The following NREP variants were observed in gnomAD, a reference collection of about 807,000 sequenced individuals.
NREP encodes neuronal regeneration-related protein.
Under a neutral mutation model 8.6 loss-of-function variants are expected in NREP, and 5 were observed. The ratio of observed to expected loss-of-function variants is 0.58; its 90% CI spans 0.30 to 1.22. The LOEUF is 1.22. NREP is among the 50% of genes most tolerant of loss of function. The probability of loss-of-function intolerance (pLI) is 0.07; values close to 1 mark genes in which losing one functional copy is unlikely to be tolerated. For missense variants in NREP, 86 were observed against 82.5 expected (o/e 1.04, Z -0.17); for synonymous variants, 27 against 28.0 (o/e 0.96, Z 0.11).
chr5:111,905,660 T>C (rs1754763842), intron 2 of NREP, among the ~76,000 whole-genome samples: 1 of 152,120 alleles, frequency 6.6e-6, no homozygotes, highest in Non-Finnish European at 1.5e-5. Context: ...ACTTTATGAT[T>C]CAATGTTTTA....
chr5:111,774,973 AT>A (rs1282958994), intron 2 of NREP, among the ~76,000 whole-genome samples: 1 of 152,206 alleles, frequency 6.6e-6, no homozygotes, highest in Non-Finnish European at 1.5e-5. Context: ...AAAGATTCTA[AT>A]GGGGGAAAAA....
rs568428848 is a variant in NREP, at chr5:111,841,906, T to C, written c.136-106399A>G. Among the ~76,000 whole-genome samples the C allele has an allele frequency of 5.3e-5, 8 of 152,270 alleles. No homozygotes were observed. The East Asian group carries it at 1.5e-3, about 29-fold the overall frequency. ...TAGATTGGAAGGCTAGAGTCCAAGA[T>C]GCATTTGGTGACAAGCCTCTCTGGT... On this transcript the variant is annotated intron_variant, in intron 2 of 3. Transcript: ENST00000395634.
intron 2 of NREP, among the ~76,000 whole-genome samples, chr5:111,770,745 T>C (rs902999080): frequency 2.6e-5 from 4 of 151,914 alleles, no homozygotes; most frequent in African/African-American, 9.7e-5. Flanking sequence ...AATTTTTGTA[T>C]TTTTTGTAGA....
intron 2 of NREP, among the ~76,000 whole-genome samples, chr5:111,839,300 G>T (rs1437720644): frequency 6.6e-6 from 1 of 152,130 alleles, no homozygotes; most frequent in Non-Finnish European, 1.5e-5. Flanking sequence ...AAGGCATTCT[G>T]CTTCCAGAGC....
intron 1 of NREP, among the ~76,000 whole-genome samples, chr5:111,975,934 T>C (rs1037073407): frequency 1.3e-5 from 2 of 152,210 alleles, no homozygotes; most frequent in Non-Finnish European, 2.9e-5. Context: ...TCCACATTTC[T>C]TCCTCCTGCT....
intron 2 of NREP, among the ~76,000 whole-genome samples, chr5:111,840,708 A>C (rs1334244855): frequency 6.6e-6 from 1 of 152,144 alleles, no homozygotes; most frequent in Non-Finnish European, 1.5e-5. Context: ...AACTGCTACT[A>C]TAAATACTAA....
rs1490412289 is a variant in NREP at position 111,730,992 on chromosome 5, C to T, written c.136G>A (p.Ala46Thr). 5.0e-6 allele frequency: 8 copies of T among 1,613,798 alleles called. No individual in the cohort carries two copies. Among genetic ancestry groups the T allele is most frequent in the African/African-American group, 2.7e-5 (2 of 74,894 alleles). Reference protein sequence around the residue: ...VNRKKNDETNAASLTPLGSSE... With the variant: ...VNRKKNDETNTASLTPLGSSE... ...CTGCCCAGTGGAGTCAGGGAGGCAG[C>T]GTTTGTCTCATCGTTCTTCTTGCGG... Residue 46 changes from alanine (A) to threonine (T), a missense_variant, in exon 4 of 4, where the codon GCT becomes ACT. Ala to Thr is a moderately conservative substitution (Grantham distance 58, BLOSUM62 0). Coordinates refer to ENST00000257435, the MANE Select transcript of NREP (RefSeq NM_004772.4).
chr5:111,910,945 A>G (rs891023021), intron 2 of NREP, among the ~76,000 whole-genome samples: 1 of 152,090 alleles, frequency 6.6e-6, no homozygotes, highest in Admixed American at 6.6e-5. Context: ...TCAGAGAGGC[A>G]TCACCTGGCA....
intron 2 of NREP, among the ~76,000 whole-genome samples, chr5:111,751,700 T>C (rs1321332821): frequency 1.3e-5 from 2 of 152,226 alleles, no homozygotes; most frequent in African/African-American, 2.4e-5. Flanking sequence ...TAGTTTTTTC[T>C]TGTATAACAC....
At chr5:111,891,189 C>T (rs1046770163) in intron 2 of NREP, among the ~76,000 whole-genome samples, 5 of 152,190 alleles carry the variant, frequency 3.3e-5, no homozygotes, top group Admixed American at 6.5e-5. Context: ...CATACCTAAA[C>T]TATCACTCTC....
At chr5:111,744,922 T>C (rs888491949) in intron 2 of NREP, among the ~76,000 whole-genome samples, 21 of 152,156 alleles carry the variant, frequency 1.4e-4, no homozygotes, top group African/African-American at 4.6e-4. Context: ...CCCCTCAGTC[T>C]TTCTTCCATT....
intron 2 of NREP, among the ~76,000 whole-genome samples, chr5:111,785,282 C>T (rs948283999): frequency 3.9e-5 from 6 of 151,942 alleles, no homozygotes; most frequent in Admixed American, 1.3e-4. Context: ...TTTAAAATGG[C>T]TATTCTTTTT....
chr5:111,766,389 G>T (rs540146096), intron 2 of NREP, among the ~76,000 whole-genome samples: 1 of 152,132 alleles, frequency 6.6e-6, no homozygotes. Flanking sequence ...GCATCAAAAC[G>T]TCAGTGCCTT....
intron 2 of NREP, among the ~76,000 whole-genome samples, chr5:111,848,305 T>C (rs1284451474): frequency 3.3e-5 from 5 of 152,198 alleles, no homozygotes; most frequent in Non-Finnish European, 7.4e-5. Context: ...TCTTTATTTC[T>C]AGTAAGGTTT....
At chr5:111,797,528 C>T (rs533231255) in intron 2 of NREP, among the ~76,000 whole-genome samples, 2 of 152,176 alleles carry the variant, frequency 1.3e-5, no homozygotes, top group African/African-American at 4.8e-5. Context: ...TAAATATATA[C>T]TTTCTTTTAC....
At chr5:111,785,389 C>T (rs1280317767) in intron 2 of NREP, among the ~76,000 whole-genome samples, 1 of 152,100 alleles carries the variant, frequency 6.6e-6, no homozygotes, top group Non-Finnish European at 1.5e-5. Flanking sequence ...AGCAATTCTC[C>T]TGCCTCAGCC....
intron 2 of NREP, among the ~76,000 whole-genome samples, chr5:111,816,739 C>CA (rs1047919972): frequency 2.0e-5 from 3 of 148,182 alleles, no homozygotes; most frequent in Admixed American, 6.7e-5. Context: ...ACTGATCAAA[C>CA]AAAAAAAAGT....
At chr5:111,777,108 T>C (rs1751383091) in intron 2 of NREP, among the ~76,000 whole-genome samples, 2 of 151,892 alleles carry the variant, frequency 1.3e-5, no homozygotes, top group African/African-American at 4.8e-5. Context: ...CAAGCTAGAT[T>C]GTTAAGTGAA....
intron 2 of NREP, among the ~76,000 whole-genome samples, chr5:111,764,635 G>T (rs1365732229): frequency 6.6e-6 from 1 of 152,170 alleles, no homozygotes; most frequent in Non-Finnish European, 1.5e-5. Flanking sequence ...ACAAGATTTG[G>T]ATGGGGACAC....
Sources: allele counts gnomAD v4.1 joint callset (sites outside exome capture counted in the v4.1 genomes callset), GRCh38; gene constraint gnomAD v4.1.1; transcripts MANE v1.5; gene names NCBI Gene and HGNC (gene_info 2026-07-23, HGNC 2026-07-21).